The following HYAL4 variants were observed in gnomAD, a reference collection of about 807,000 sequenced individuals.
The protein encoded by HYAL4 is hyaluronidase-4.
In HYAL4, 37 loss-of-function variants were observed where a neutral mutation model predicts 35.2. That is an observed-to-expected ratio of 1.05 (90% CI 0.81 to 1.38). HYAL4 has a LOEUF of 1.38. Among genes scored for constraint, HYAL4 ranks in the 40% most tolerant of loss-of-function variants. HYAL4 has a pLI of 0.00. For missense variants in HYAL4, 572 were observed against 572.4 expected, an observed-to-expected ratio of 1.00 and a Z score of 0.01; for synonymous variants, 198 against 203.2, an observed-to-expected ratio of 0.97 and a Z score of 0.22.
chr7:123,792,009 T>C, the HYAL4 span, among the ~76,000 whole-genome samples: 1 of 152,298 alleles, frequency 6.6e-6, no homozygotes, highest in Non-Finnish European at 1.5e-5. Context: ...TCATCTTCTT[T>C]GGGACAGTCC....
chr7:123,772,838 C>T, the HYAL4 span, among the ~76,000 whole-genome samples: 1 of 152,172 alleles, frequency 6.6e-6, no homozygotes, highest in Non-Finnish European at 1.5e-5. Context: ...GCTGAAAGAT[C>T]AAAAGCTGCA....
the HYAL4 span, among the ~76,000 whole-genome samples, chr7:123,793,011 T>G: frequency 1.3e-5 from 2 of 152,202 alleles, no homozygotes; most frequent in Non-Finnish European, 2.9e-5. Flanking sequence ...GGTGTGTGGA[T>G]GCCTTAACAC....
chr7:123,870,858 C>T (rs1412756036), intron 3 of HYAL4, among the ~76,000 whole-genome samples: 1 of 151,758 alleles, frequency 6.6e-6, no homozygotes, highest in Non-Finnish European at 1.5e-5. Context: ...TTTTGTAAGA[C>T]GTCTTTTCTA....
At chr7:123,847,011 G>A (rs997865006) in intron 1 of HYAL4, among the ~76,000 whole-genome samples, 9 of 152,284 alleles carry the variant, frequency 5.9e-5, no homozygotes, top group Non-Finnish European at 1.2e-4. Flanking sequence ...TCCTCTAGGA[G>A]CATTCCGCTT....
the HYAL4 span, among the ~76,000 whole-genome samples, chr7:123,808,967 A>G: frequency 6.6e-6 from 1 of 152,182 alleles, no homozygotes; most frequent in Non-Finnish European, 1.5e-5. Context: ...ATATAATCAC[A>G]TTAGAGATTA....
the HYAL4 span, among the ~76,000 whole-genome samples, chr7:123,817,355 T>G: frequency 4.6e-5 from 7 of 152,134 alleles, no homozygotes; most frequent in Non-Finnish European, 2.9e-5. Flanking sequence ...CCATCTTTAT[T>G]TCCAAATAAC....
intron 2 of HYAL4, among the ~76,000 whole-genome samples, chr7:123,849,476 T>G (rs757022658): frequency 3.3e-5 from 5 of 151,996 alleles, no homozygotes; most frequent in Non-Finnish European, 5.9e-5. Context: ...AATTTTTGTA[T>G]TTTTTGGTAC....
chr7:123,774,565 T>A, the HYAL4 span, among the ~76,000 whole-genome samples: 1 of 152,204 alleles, frequency 6.6e-6, no homozygotes, highest in African/African-American at 2.4e-5. Flanking sequence ...TTTCCCCTAA[T>A]TCATGGTCAG....
intron 1 of HYAL4, among the ~76,000 whole-genome samples, chr7:123,831,555 A>G (rs1054766092): frequency 6.6e-6 from 1 of 152,180 alleles, no homozygotes; most frequent in Non-Finnish European, 1.5e-5. Context: ...AATTGTTTCT[A>G]TTGTTATACA....
intron 2 of HYAL4, among the ~76,000 whole-genome samples, chr7:123,848,615 A>G (rs976856923): frequency 6.6e-6 from 1 of 152,238 alleles, no homozygotes; most frequent in Non-Finnish European, 1.5e-5. Flanking sequence ...ATTCTTTTGA[A>G]TCAATAGATG....
At chr7:123,835,735 G>A (rs967826332) in intron 1 of HYAL4, among the ~76,000 whole-genome samples, 2 of 152,028 alleles carry the variant, frequency 1.3e-5, no homozygotes, top group Non-Finnish European at 2.9e-5. Context: ...TTTCCTCTTA[G>A]CACTGCCTTT....
chr7:123,869,068 G>A lies in HYAL4; in HGVS notation c.795G>A (p.Trp265Ter). The part of the protein sequence containing the change: ...SAALYPSIGV[W>*]KSLGDSENIL... ...CTTTATATCCTTCTATCGGTGTCTG[G>A]AAATCCCTTGGAGACAGTGAAAACA... Residue 265 changes from tryptophan (W) to a stop codon, truncating the protein, a stop_gained, in exon 3 of 5, where the codon TGG (tryptophan) becomes TGA (stop). Transcript: ENST00000223026. LOFTEE classifies it high-confidence loss of function. 6.2e-7 allele frequency: 1 copy of A among 1,614,156 alleles called. No individual in the cohort carries two copies.
At chr7:123,777,693 T>C in the HYAL4 span, among the ~76,000 whole-genome samples, 1 of 152,142 alleles carries the variant, frequency 6.6e-6, no homozygotes, top group Non-Finnish European at 1.5e-5. Flanking sequence ...AAAATATTTT[T>C]TTTATTTCCA....
intron 2 of HYAL4, among the ~76,000 whole-genome samples, chr7:123,850,102 C>G (rs528618654): frequency 6.6e-6 from 1 of 152,322 alleles, no homozygotes; most frequent in Non-Finnish European, 1.5e-5. Context: ...ACTTGAGATA[C>G]TTATTGTACT....
intron 1 of HYAL4, among the ~76,000 whole-genome samples, chr7:123,837,145 T>C (rs1805977793): frequency 6.6e-6 from 1 of 152,232 alleles, no homozygotes; most frequent in Non-Finnish European, 1.5e-5. Context: ...AAAAAGACTA[T>C]CTTTCCTTCA....
At chr7:123,784,873 T>A in the HYAL4 span, among the ~76,000 whole-genome samples, 1 of 152,092 alleles carries the variant, frequency 6.6e-6, no homozygotes, top group Non-Finnish European at 1.5e-5. Context: ...GTACATATCT[T>A]AGAGTAAGTC....
At chr7:123,859,814 A>G (rs933042753) in intron 2 of HYAL4, among the ~76,000 whole-genome samples, 3 of 152,188 alleles carry the variant, frequency 2.0e-5, no homozygotes, top group Non-Finnish European at 2.9e-5. Context: ...ACAGCAACAT[A>G]TTACAAAATT....
chr7:123,765,531 AG>A, the HYAL4 span, among the ~76,000 whole-genome samples: 1 of 152,176 alleles, frequency 6.6e-6, no homozygotes, highest in Non-Finnish European at 1.5e-5. Context: ...TTCCCTTCTT[AG>A]TTTTCATAAA....
chr7:123,840,455 G>T (rs1428239859), upstream of HYAL4, among the ~76,000 whole-genome samples: 3 of 152,232 alleles, frequency 2.0e-5, no homozygotes, highest in African/African-American at 7.2e-5. Flanking sequence ...GCTTAGGATT[G>T]TCTTGGCAAT....
Sources: gnomAD v4.1 joint callset for allele counts (sites outside exome capture counted in the v4.1 genomes callset) on GRCh38, gnomAD v4.1.1 for gene constraint, MANE v1.5 for transcripts, NCBI Gene and HGNC (gene_info 2026-07-23, HGNC 2026-07-21) for gene names.